PCNX2: variants seen among roughly 807,000 people sequenced by gnomAD.
PCNX2 encodes the protein pecanex-like protein 2.
PCNX2 carries 168 observed loss-of-function variants against 223.8 expected under a neutral mutation model. The observed-to-expected ratio is 0.75, with a 90% CI of 0.66 to 0.85. PCNX2 has a LOEUF of 0.85. Ranked by LOEUF, PCNX2 falls within the 40% of genes least tolerant of loss-of-function variation. The pLI is 0.00. For synonymous variants in PCNX2, 1,006 were observed against 1,052.6 expected (o/e 0.96, Z 0.86); for missense variants, 2,507 against 2,675.5 (o/e 0.94, Z 1.39).
rs371481968 is a variant in PCNX2 at position 233,217,797 on chromosome 1, A to G, written c.2691+102T>C. 5.0e-5 allele frequency: 60 copies of G among 1,211,896 alleles called. 1 individual carries two copies. The East Asian group carries it at 5.6e-4, about 11-fold the overall frequency. The allele number at this position is 1,211,896 out of a possible 1,614,324, so 75.1% of individuals were successfully genotyped here. A position where few individuals can be genotyped will look rare whatever the true frequency, so the allele number is the denominator to read the frequency against. On this transcript the variant is annotated intron_variant, in intron 12 of 33. Transcript: ENST00000258229. ...TATTTCTATTTTATATTCAGTATAG[A>G]GAGCTAGGTACAGACTTGGCCCTTT...
chr1:233,116,169 C>A (rs1477511195), intron 21 of PCNX2, among the ~76,000 whole-genome samples: 1 of 151,928 alleles, frequency 6.6e-6, no homozygotes, highest in Non-Finnish European at 1.5e-5. Flanking sequence ...AGACAAATCA[C>A]AATTATGATT....
chr1:233,288,803 C>CTT, intron 1 of PCNX2: 3 of 655,804 alleles, frequency 4.6e-6, no homozygotes, highest in Non-Finnish European at 2.4e-6. Context: ...GGAAAGATGC[C>CTT]CTTTTTTTTT....
chr1:233,319,206 C>A, the PCNX2 span, among the ~76,000 whole-genome samples: 11 of 152,172 alleles, frequency 7.2e-5, no homozygotes, highest in African/African-American at 2.4e-4. Context: ...CCTCATCCCT[C>A]ATTTTTTCAC....
chr1:233,086,988 T>G (rs1673636957), intron 23 of PCNX2: 1 of 976,670 alleles, frequency 1.0e-6, no homozygotes, highest in Non-Finnish European at 1.2e-6. Flanking sequence ...GTTAGGAGGC[T>G]AGGGTAAAAA....
chr1:233,157,364 G>C (rs149964993), intron 19 of PCNX2, among the ~76,000 whole-genome samples: 3 of 152,272 alleles, frequency 2.0e-5, no homozygotes, highest in African/African-American at 7.2e-5. Flanking sequence ...AAAATGGTGG[G>C]ATAGGATTAT....
rs1033312414 is a variant in PCNX2 at position 232,998,195 on chromosome 1, G to A, written c.5791+56C>T. On this transcript the variant is annotated intron_variant, in intron 32 of 33. Coordinates refer to ENST00000258229, the MANE Select transcript of PCNX2 (RefSeq NM_014801.4). ...AACAACATCATAACTCAGGGCATTG[G>A]TCACTGGGACCAAATAGGACTTCAT... 18 of 1,439,014 alleles carry A rather than the reference G, an allele frequency of 1.3e-5. No individual in the cohort carries two copies. In the Admixed American group the frequency reaches 4.1e-4, roughly 33 times the overall value. 89.1% of individuals were successfully genotyped at this position (1,439,014 alleles called of 1,614,324 possible).
At chr1:233,190,519 C>T (rs185568358) in intron 15 of PCNX2, among the ~76,000 whole-genome samples, 2 of 152,246 alleles carry the variant, frequency 1.3e-5, no homozygotes, top group East Asian at 1.9e-4. Flanking sequence ...CTTCAAAATA[C>T]GGTTAGAACA....
At chr1:233,142,792 G>A (rs759440757) in intron 19 of PCNX2, among the ~76,000 whole-genome samples, 3 of 151,916 alleles carry the variant, frequency 2.0e-5, no homozygotes, top group Non-Finnish European at 2.9e-5. Flanking sequence ...CTTTTCTGAC[G>A]CATAAAACAT....
chr1:233,294,879 G>A (rs1661977042), intron 1 of PCNX2, among the ~76,000 whole-genome samples: 1 of 152,124 alleles, frequency 6.6e-6, no homozygotes, highest in Non-Finnish European at 1.5e-5. Flanking sequence ...AGCAAAACAA[G>A]AAAGAAGGTG....
chr1:233,326,783 C>T, the PCNX2 span, among the ~76,000 whole-genome samples: 2 of 152,184 alleles, frequency 1.3e-5, no homozygotes, highest in African/African-American at 4.8e-5. Context: ...AATAACTAAG[C>T]TCTTCTATCT....
intron 23 of PCNX2, 40 bp from the exon 24 acceptor site, chr1:233,057,330 T>TC (rs757600919): frequency 1.1e-5 from 17 of 1,501,714 alleles, no homozygotes; most frequent in African/African-American, 8.3e-5. Flanking sequence ...CATGATTAGA[T>TC]CCCCCCAAGC....
At chr1:233,246,142 C>T (rs1659105453) in intron 8 of PCNX2, among the ~76,000 whole-genome samples, 1 of 151,378 alleles carries the variant, frequency 6.6e-6, no homozygotes, top group Non-Finnish European at 1.5e-5. Flanking sequence ...GGATGAATGC[C>T]CTTCAGATGG....
Position 233,017,071 on chromosome 1 carries a change from A to C in PCNX2, c.4689T>G (p.Phe1563Leu). 3.1e-6 allele frequency: 5 copies of C among 1,596,558 alleles called. No homozygotes were observed. Among genetic ancestry groups the C allele is most frequent in the Non-Finnish European group, 4.3e-6 (5 of 1,173,710 alleles). Residue 1563 changes from phenylalanine to leucine, a missense_variant, in exon 27 of 34, where the codon TTT becomes TTG. Around this residue, in one of 3 missense-constraint regions of PCNX2, gnomAD observed 1,372 missense variants for 1,509.4 expected, o/e 0.91. Coordinates refer to ENST00000258229, the MANE Select transcript of PCNX2 (RefSeq NM_014801.4). ...CACGCTCAATGTAATGCCACTTGGCAAAGGGCTGCAGGGACTTCAGAAGTG... is the reference window on the plus strand; with the variant it reads ...CACGCTCAATGTAATGCCACTTGGCCAAGGGCTGCAGGGACTTCAGAAGTG... ...NESLLKSLQP[F>L]AKWHYIERDL...
At chr1:233,060,533 G>C (rs1290074445) in intron 23 of PCNX2, among the ~76,000 whole-genome samples, 1 of 152,212 alleles carries the variant, frequency 6.6e-6, no homozygotes, top group Non-Finnish European at 1.5e-5. Flanking sequence ...CTCTAAGAGG[G>C]TGGACTGTCA....
intron 19 of PCNX2, among the ~76,000 whole-genome samples, chr1:233,146,315 C>G (rs1024503868): frequency 1.3e-5 from 2 of 152,086 alleles, no homozygotes; most frequent in African/African-American, 4.8e-5. Flanking sequence ...ATTACCTTAT[C>G]ATTTTTAGTG....
chr1:232,986,157 G>A lies in PCNX2; in HGVS notation c.6175C>T (p.Gln2059Ter). The A allele has an allele frequency of 6.4e-7, 1 of 1,569,222 alleles. No homozygotes were observed. Among genetic ancestry groups the A allele is most frequent in the Non-Finnish European group, 8.6e-7 (1 of 1,156,424 alleles). ...ACGATGTTGACGCTGCTGGATGACT[G>A]GGTGTCACTGGTATTGCCCCCCTCC... ...AAEGGNTSDT[Q>*]SSSSVNIVMG... Residue 2059 changes from glutamine (Q) to a stop codon, truncating the protein, a stop_gained, in exon 33 of 34, where the codon CAG (glutamine) becomes TAG (stop). Coordinates refer to ENST00000258229, the MANE Select transcript of PCNX2 (RefSeq NM_014801.4). LOFTEE classifies it high-confidence loss of function.
intron 21 of PCNX2, among the ~76,000 whole-genome samples, chr1:233,111,512 G>C (rs561746987): frequency 6.6e-6 from 1 of 152,008 alleles, no homozygotes; most frequent in Non-Finnish European, 1.5e-5. Flanking sequence ...AGGTTCAAGC[G>C]ATCATCCCAC....
chr1:233,217,899 G>C lies in PCNX2; in HGVS notation c.2691C>G (p.His897Gln). 1.2e-6 allele frequency: 2 copies of C among 1,613,850 alleles called. No individual in the cohort carries two copies. Among genetic ancestry groups the C allele is most frequent in the Non-Finnish European group, 1.7e-6 (2 of 1,179,852 alleles). ...TACTTGCCTGTATTTGGAAACTTAC[G>C]TGTATTGGTGAGGCGGGGTCAGGCT... is the stretch of plus-strand genomic sequence containing the variant. ...SVQPDPASPI[H>Q]GHNQIITYSR... Residue 897 changes from histidine (H) to glutamine (Q), a missense_variant and splice_region_variant, in exon 12 of 34, where the codon CAC (histidine) becomes CAG (glutamine). Around this residue, in one of 3 missense-constraint regions of PCNX2, gnomAD observed 104 missense variants for 144.4 expected, o/e 0.72. Transcript: ENST00000258229.
At chr1:233,264,358 T>C (rs779388907) in intron 1 of PCNX2, among the ~76,000 whole-genome samples, 5 of 152,146 alleles carry the variant, frequency 3.3e-5, no homozygotes, top group African/African-American at 1.2e-4. Context: ...AATCCAGTGA[T>C]CCGTGTAGCT....
Sources: gnomAD v4.1 joint callset for allele counts (sites outside exome capture counted in the v4.1 genomes callset) on GRCh38, gnomAD v4.1.1 for gene constraint, gnomAD v4.1.1 regional missense constraint, MANE v1.5 for transcripts, NCBI Gene and HGNC (gene_info 2026-07-23, HGNC 2026-07-21) for gene names.